VWA3A: variants seen among roughly 807,000 people sequenced by gnomAD.
VWA3A encodes von Willebrand factor A domain containing 3A.
VWA3A carries 134 observed loss-of-function variants against 160.4 expected under a neutral mutation model. That is an observed-to-expected ratio of 0.84 (90% CI 0.73 to 0.96). VWA3A has a LOEUF of 0.96. VWA3A is among the 40% of genes least tolerant of loss of function. The pLI, the probability that VWA3A is intolerant of heterozygous loss-of-function variation, is 0.00. For synonymous variants in VWA3A, 476 were observed against 543.4 expected (o/e 0.88, Z 1.72); for missense variants, 1,310 against 1,447.9 (o/e 0.90, Z 1.55).
At chr16:22,109,128 A>G (rs916341682) in intron 6 of VWA3A, among the ~76,000 whole-genome samples, 14 of 152,356 alleles carry the variant, frequency 9.2e-5, no homozygotes, top group Admixed American at 3.3e-4. Context: ...AGAGAAATTA[A>G]ATCAGATAAG....
chr16:22,123,890 G>A (rs1189216281), intron 16 of VWA3A, among the ~76,000 whole-genome samples, 183 bp downstream of exon 16: 1 of 152,046 alleles, frequency 6.6e-6, no homozygotes, highest in Non-Finnish European at 1.5e-5. Flanking sequence ...TGTCAATAAT[G>A]TCATCATTGT....
At chr16:22,128,842 TACAGC>T (rs1267057021) in intron 17 of VWA3A, among the ~76,000 whole-genome samples, 2 of 152,018 alleles carry the variant, frequency 1.3e-5, no homozygotes, top group African/African-American at 4.8e-5. Flanking sequence ...GAAAATCAAA[TACAGC>T]ATGTTCTCAC....
intron 1 of VWA3A, among the ~76,000 whole-genome samples, 166 bp from the exon 2 acceptor site, chr16:22,096,693 C>T (rs1287217507): frequency 6.6e-6 from 1 of 151,900 alleles, no homozygotes; most frequent in African/African-American, 2.4e-5. Flanking sequence ...TACAGTGAGC[C>T]ATGATTGGGC....
At position 22,096,902 on chromosome 16, in the gene VWA3A, C is replaced by G; in HGVS notation, c.58C>G (p.His20Asp). 6.5e-7 allele frequency: 1 copy of G among 1,549,272 alleles called. No individual in the cohort carries two copies. Among genetic ancestry groups the G allele is most frequent in the Non-Finnish European group, 8.7e-7 (1 of 1,145,786 alleles). ...GCFAMATQTS[H>D]VFHGQENMFL... ...TTTTGCAATGGCTACACAAACTAGT[C>G]ATGTCTTCCATGGTCAAGAAAATAT... is the stretch of plus-strand genomic sequence containing the variant. The change falls in exon 2 of 34, where the codon CAT (histidine) becomes GAT (aspartate). Residue 20 changes from histidine to aspartate, a missense_variant. Coordinates refer to ENST00000389398, the MANE Select transcript of VWA3A (RefSeq NM_173615.5).
chr16:22,142,156 C>T (rs2141997450), intron 24 of VWA3A, among the ~76,000 whole-genome samples: 1 of 152,082 alleles, frequency 6.6e-6, no homozygotes, highest in East Asian at 1.9e-4. Flanking sequence ...TTACAACTGA[C>T]TTGATTGACA....
chr16:22,147,356 G>A (rs2046271975), intron 27 of VWA3A, among the ~76,000 whole-genome samples: 1 of 152,140 alleles, frequency 6.6e-6, no homozygotes, highest in Admixed American at 6.6e-5. Flanking sequence ...TCCAGGAGAG[G>A]TGAATGGACA....
intron 1 of VWA3A, among the ~76,000 whole-genome samples, chr16:22,094,030 T>C (rs899771044): frequency 3.3e-5 from 5 of 151,982 alleles, no homozygotes; most frequent in Non-Finnish European, 7.4e-5. Context: ...TGCCTCAGCC[T>C]CCCAATGTGC....
At chr16:22,139,874 T>G (rs1305011081) in intron 22 of VWA3A, among the ~76,000 whole-genome samples, 1 of 151,928 alleles carries the variant, frequency 6.6e-6, no homozygotes, top group East Asian at 1.9e-4. Flanking sequence ...GCTCTCTCAC[T>G]CTCATCTCAC....
intron 23 of VWA3A, chr16:22,141,091 G>T (rs1036153770): frequency 6.5e-5 from 28 of 427,732 alleles, no homozygotes; most frequent in Non-Finnish European, 1.1e-4. Context: ...AGGAACTGAG[G>T]CTCAGGGGGG....
At chr16:22,102,206 C>A (rs564080243) in intron 5 of VWA3A, among the ~76,000 whole-genome samples, 2 of 151,972 alleles carry the variant, frequency 1.3e-5, no homozygotes, top group Non-Finnish European at 2.9e-5. Flanking sequence ...TAAAAATTAG[C>A]CAGGTGTGGT....
intron 6 of VWA3A, among the ~76,000 whole-genome samples, chr16:22,107,707 C>T (rs909423674): frequency 6.6e-6 from 1 of 152,144 alleles, no homozygotes; most frequent in African/African-American, 2.4e-5. Context: ...GATTGTGCCA[C>T]TGTGCACATG....
chr16:22,101,940 G>A (rs2045413743), intron 5 of VWA3A, among the ~76,000 whole-genome samples: 1 of 152,186 alleles, frequency 6.6e-6, no homozygotes, highest in African/African-American at 2.4e-5. Flanking sequence ...ATAGAATCCT[G>A]TTGTTACCTT....
intron 1 of VWA3A, among the ~76,000 whole-genome samples, chr16:22,093,704 G>A (rs1278291194): frequency 3.9e-5 from 6 of 152,126 alleles, no homozygotes; most frequent in Non-Finnish European, 7.3e-5. Flanking sequence ...AAGTAGGCAG[G>A]TCAGTTACTG....
chr16:22,151,551 AT>A (rs35929527), intron 30 of VWA3A, among the ~76,000 whole-genome samples: 3 of 151,524 alleles, frequency 2.0e-5, no homozygotes, highest in African/African-American at 4.8e-5. Context: ...TGTCATGGTT[AT>A]TTTTTTTTAT....
chr16:22,103,294 G>A (rs1018714041), intron 5 of VWA3A, among the ~76,000 whole-genome samples, 181 bp from the exon 6 acceptor site: 1 of 151,962 alleles, frequency 6.6e-6, no homozygotes, highest in East Asian at 1.9e-4. Context: ...TCAGGCTCCT[G>A]AGTAGCCACG....
At position 22,124,186 on chromosome 16, in the gene VWA3A, C is replaced by CAAA. The variant is rs11426931; in HGVS notation, c.1532+502_1532+504dup. Among the ~76,000 whole-genome samples, 440 of 45,004 alleles carry CAAA rather than the reference C, an allele frequency of 9.8e-3. 10 individuals carry two copies. The highest frequency in any genetic ancestry group is 0.025 in the East Asian group (33 of 1,338). 29.5% of individuals were successfully genotyped at this position (45,004 alleles called of 152,430 possible). On this transcript the variant is annotated intron_variant, in intron 16 of 33. Transcript: ENST00000389398. ...ACAGAGCAAGTCCCTGTGTCTACCA[C>CAAA]AAAAAAAAAAAAAAAAAAAAAAAAA...
chr16:22,105,981 CGGG>C (rs1436390460), intron 6 of VWA3A, among the ~76,000 whole-genome samples: 1 of 152,048 alleles, frequency 6.6e-6, no homozygotes, highest in Non-Finnish European at 1.5e-5. Context: ...GGTTCGCTGT[CGGG>C]GGAAAAAACA....
intron 1 of VWA3A, among the ~76,000 whole-genome samples, chr16:22,093,000 C>T (rs989815102): frequency 1.3e-5 from 2 of 152,006 alleles, no homozygotes; most frequent in Admixed American, 1.3e-4. Flanking sequence ...TCCCTCTCTC[C>T]CTTGGACCAA....
At chr16:22,143,954 G>A (rs544073045) in intron 25 of VWA3A, among the ~76,000 whole-genome samples, 22 of 151,714 alleles carry the variant, frequency 1.5e-4, no homozygotes, top group Non-Finnish European at 3.1e-4. Context: ...TGGCCAGGCT[G>A]TTCTCAAACT....
Sources: gnomAD v4.1 joint callset for allele counts (sites outside exome capture counted in the v4.1 genomes callset) on GRCh38, gnomAD v4.1.1 for gene constraint, MANE v1.5 for transcripts, NCBI Gene and HGNC (gene_info 2026-07-23, HGNC 2026-07-21) for gene names.